Variants in MSN observed in about 807,000 individuals in gnomAD.
MSN encodes moesin.
Under a neutral mutation model 48.0 loss-of-function variants are expected in MSN, and 2 were observed. The observed-to-expected ratio is 0.04, with a 90% CI of 0.02 to 0.13. MSN has a LOEUF of 0.13. Ranked by LOEUF, MSN falls within the 10% of genes least tolerant of loss-of-function variation. The pLI is 1.00. For synonymous variants in MSN, 146 were observed against 166.9 expected (o/e 0.87, Z 0.97); for missense variants, 267 against 470.1 (o/e 0.57, Z 3.99).
intron 1 of MSN, among the ~76,000 whole-genome samples, chrX:65,658,937 C>A (rs183979489): frequency 1.8e-5 from 2 of 108,758 alleles, no homozygotes; most frequent in Non-Finnish European, 3.8e-5. Context: ...CTCCACCTCC[C>A]GGGCTCAAGC....
At chrX:65,731,041 G>A in intron 4 of MSN, 66 bp from the exon 5 acceptor site, 1 of 947,302 alleles carries the variant, frequency 1.1e-6, no homozygotes. Context: ...AAGCTAAATG[G>A]GCTTCCCTTC....
chrX:65,738,503 C>T (rs779746525), intron 10 of MSN, 22 bp from the exon 11 acceptor site: 5 of 1,190,187 alleles, frequency 4.2e-6, no homozygotes, highest in Middle Eastern at 2.3e-4. Context: ...CCAGCTCTCA[C>T]AGGCTTCCAA....
chrX:65,659,918 C>T (rs1427537394), intron 1 of MSN, among the ~76,000 whole-genome samples: 2 of 109,791 alleles, frequency 1.8e-5, no homozygotes, highest in African/African-American at 3.3e-5. Flanking sequence ...ATTACTGTGG[C>T]CCCAGGATGA....
chrX:65,602,722 A>G (rs1432273741), intron 1 of MSN, among the ~76,000 whole-genome samples: 1 of 112,341 alleles, frequency 8.9e-6, no homozygotes, highest in African/African-American at 3.2e-5. Flanking sequence ...GACAAAATGA[A>G]GATAAATTCT....
At chrX:65,737,688 C>T (rs1569469053) in intron 10 of MSN, among the ~76,000 whole-genome samples, 1 of 112,327 alleles carries the variant, frequency 8.9e-6, no homozygotes, top group Non-Finnish European at 1.9e-5. Flanking sequence ...TTACTTATTT[C>T]TTCTTCCCAG....
Position 65,622,523 on chromosome X carries a change from T to G in MSN, c.-22+33911T>G, listed in dbSNP as rs910551711. Among the ~76,000 whole-genome samples the G allele has an allele frequency of 1.1e-3, 116 of 101,952 alleles. 1 individual carries two copies. The highest frequency in any genetic ancestry group is 1.9e-3 in the Non-Finnish European group (96 of 49,673). The allele number at this position is 101,952 out of a possible 115,157, so 88.5% of individuals were successfully genotyped here. A position where few individuals can be genotyped will look rare whatever the true frequency, so the allele number is the denominator to read the frequency against. Reference sequence around the variant, plus strand: ...CTAGGCATCTTTGTTTTTTTTTTTTTTTTTTTTTTCTGAGACGGAGTTTCA... The same window carrying G: ...CTAGGCATCTTTGTTTTTTTTTTTTGTTTTTTTTTCTGAGACGGAGTTTCA... On this transcript the variant is annotated intron_variant, in intron 1 of 3. Transcript: ENST00000609672.
Position 65,716,725 on chromosome X carries a change from C to A in MSN, c.13-93C>A, listed in dbSNP as rs1052494188. On this transcript the variant is annotated intron_variant, in intron 1 of 12. Transcript: ENST00000360270. ...GTTGCCCAGGCTCTTAGCATCCTAA[C>A]TCCTTCCTCTGTGGTTGAGCAGAGA... 11 of 791,202 alleles carry A rather than the reference C, an allele frequency of 1.4e-5. No homozygotes were observed. In the African/African-American group the frequency reaches 2.1e-4, roughly 15 times the overall value. The allele number at this position is 791,202 out of a possible 1,213,427, so 65.2% of individuals were successfully genotyped here.
At chrX:65,733,676 CCT>C (rs749354823) in intron 7 of MSN, among the ~76,000 whole-genome samples, 19 of 109,995 alleles carry the variant, frequency 1.7e-4, no homozygotes, top group East Asian at 1.1e-3. Flanking sequence ...TTCCTTCCTT[CCT>C]CTCTCTCTCT....
At chrX:65,730,557 T>C (rs923316816) in intron 4 of MSN, among the ~76,000 whole-genome samples, 4 of 110,467 alleles carry the variant, frequency 3.6e-5, no homozygotes, top group African/African-American at 1.3e-4. Context: ...TGCCATGATA[T>C]CTGAGATGGC....
At position 65,735,450 on chromosome X, in the gene MSN, G is replaced by A; in HGVS notation, c.959+20G>A. ...GGAGCGGTAGGTGCTGCACACTGAT[G>A]TGGGGGGCCAGGGCTGGGGCAAGGA... is the stretch of plus-strand genomic sequence containing the variant. On this transcript the variant is annotated intron_variant, in intron 8 of 12. Coordinates refer to ENST00000360270, the MANE Select transcript of MSN (RefSeq NM_002444.3). 2.5e-6 allele frequency: 3 copies of A among 1,186,856 alleles called. No homozygotes were observed. The highest frequency in any genetic ancestry group is 1.7e-5 in the African/African-American group (1 of 57,502).
At chrX:65,601,518 G>A (rs1033234943) in intron 1 of MSN, among the ~76,000 whole-genome samples, 9 of 112,811 alleles carry the variant, frequency 8.0e-5, no homozygotes, top group African/African-American at 2.2e-4. Flanking sequence ...GTGGGACAGC[G>A]TGTCCAGCCC....
chrX:65,619,181 G>A (rs1005357219), intron 1 of MSN, among the ~76,000 whole-genome samples: 2 of 101,561 alleles, frequency 2.0e-5, no homozygotes, highest in Non-Finnish European at 3.9e-5. Flanking sequence ...TGACAATTAT[G>A]TGTCTTGGAG....
At chrX:65,662,924 TA>T (rs1418770601), upstream of MSN, among the ~76,000 whole-genome samples, 1 of 111,827 alleles carries the variant, frequency 8.9e-6, no homozygotes, top group Non-Finnish European at 1.9e-5. Flanking sequence ...ATAGGGCACT[TA>T]AACAAATCAA....
intron 8 of MSN, among the ~76,000 whole-genome samples, chrX:65,736,451 T>TC (rs1212488448): frequency 1.8e-5 from 2 of 108,170 alleles, no homozygotes; most frequent in African/African-American, 6.8e-5. Context: ...TTTTTTTTTT[T>TC]TTAGATGGAG....
At chrX:65,730,407 C>T (rs2071611285) in intron 4 of MSN, among the ~76,000 whole-genome samples, 1 of 111,337 alleles carries the variant, frequency 9.0e-6, no homozygotes, top group East Asian at 2.8e-4. Flanking sequence ...ATGGCCATTT[C>T]CATAGTCTTT....
chrX:65,682,664 T>C (rs2071068985), intron 1 of MSN, among the ~76,000 whole-genome samples: 1 of 112,270 alleles, frequency 8.9e-6, no homozygotes, highest in African/African-American at 3.2e-5. Flanking sequence ...AGATGGTTTC[T>C]CACCACCCAT....
chrX:65,597,302 G>A (rs1395635213), intron 1 of MSN, among the ~76,000 whole-genome samples: 1 of 108,009 alleles, frequency 9.3e-6, no homozygotes, highest in East Asian at 2.9e-4. Flanking sequence ...TCCCACCTCG[G>A]CCTCCCAAAG....
chrX:65,653,066 C>A (rs2070753777), intron 1 of MSN, among the ~76,000 whole-genome samples: 1 of 111,820 alleles, frequency 8.9e-6, no homozygotes, highest in Non-Finnish European at 1.9e-5. Context: ...TGTTGGCCTG[C>A]AGAAAGTAGA....
At chrX:65,694,105 C>A (rs936631996) in intron 1 of MSN, among the ~76,000 whole-genome samples, 2 of 109,655 alleles carry the variant, frequency 1.8e-5, no homozygotes, top group African/African-American at 6.6e-5. Flanking sequence ...GAGGATAGTA[C>A]TGATACCTAC....
Sources: gnomAD v4.1 joint callset for allele counts (sites outside exome capture counted in the v4.1 genomes callset) on GRCh38, gnomAD v4.1.1 for gene constraint, MANE v1.5 for transcripts, NCBI Gene and HGNC (gene_info 2026-07-23, HGNC 2026-07-21) for gene names.